The following PAN2 variants were observed in gnomAD, a reference collection of about 807,000 sequenced individuals.
PAN2 encodes the protein poly(A) specific ribonuclease subunit PAN2.
A neutral mutation model predicts 133.3 loss-of-function variants in PAN2; 68 were observed. The observed-to-expected ratio is 0.51, with a 90% CI of 0.42 to 0.62. PAN2 has a LOEUF of 0.62. Among genes scored for constraint, PAN2 ranks in the 20% least tolerant of loss-of-function variants. PAN2 has a pLI of 0.00. For missense variants in PAN2, 1,042 were observed against 1,500.5 expected (o/e 0.69, Z 5.05); for synonymous variants, 462 against 544.6 (o/e 0.85, Z 2.11).
chr12:56,323,697 C>T, intron 14 of PAN2, 99 bp from the exon 15 acceptor site: 2 of 1,397,002 alleles, frequency 1.4e-6, no homozygotes, highest in Non-Finnish European at 2.0e-6. Context: ...ATTCCTCACT[C>T]CACCAGAGAT....
chr12:56,323,678 C>T, intron 14 of PAN2, 80 bp from the exon 15 acceptor site: 1 of 1,467,210 alleles, frequency 6.8e-7, no homozygotes, highest in Non-Finnish European at 9.5e-7. Context: ...TCTGCGTCTT[C>T]AAACTGGGAT....
intron 5 of PAN2, 123 bp from the exon 6 acceptor site, chr12:56,327,754 C>T: frequency 7.7e-7 from 1 of 1,304,094 alleles, no homozygotes; most frequent in Non-Finnish European, 1.0e-6. Flanking sequence ...AGTTAAAGCA[C>T]AGAAAAGGCA....
rs1875314638 is a variant in PAN2, at chr12:56,328,022, G to T, written c.624C>A (p.Phe208Leu). 6.2e-7 allele frequency: 1 copy of T among 1,613,800 alleles called. No homozygotes were observed. Among genetic ancestry groups the T allele is most frequent in the African/African-American group, 1.3e-5 (1 of 74,896 alleles). The change falls in exon 5 of 26, where the codon TTC (phenylalanine) becomes TTA (leucine). Residue 208 changes from phenylalanine to leucine, a missense_variant. This residue lies in a region of PAN2 where 908 missense variants were observed against 1,223.5 expected (regional missense o/e 0.74). Coordinates refer to ENST00000440411, the MANE Select transcript of PAN2 (RefSeq NM_014871.6). ...GVTIMRQTNR[F>L]FFCGHTSGKV... Reference sequence around the variant, plus strand: ...TGCCAGACGTGTGGCCGCAGAAGAAGAAGCGATTTGTCTGTCTCATGATGG... The same window carrying T: ...TGCCAGACGTGTGGCCGCAGAAGAATAAGCGATTTGTCTGTCTCATGATGG...
chr12:56,330,041 T>C (rs1387623454), intron 2 of PAN2, among the ~76,000 whole-genome samples: 1 of 151,946 alleles, frequency 6.6e-6, no homozygotes, highest in Non-Finnish European at 1.5e-5. Flanking sequence ...AGAATGTTCC[T>C]TCCCCAGATA....
Position 56,328,503 on chromosome 12 carries a change from C to T in PAN2, c.421G>A (p.Ala141Thr), listed in dbSNP as rs1414817785. Residue 141 changes from alanine to threonine, a missense_variant, in exon 3 of 26, where the codon GCC becomes ACC. Ala to Thr is a moderately conservative substitution (Grantham distance 58, BLOSUM62 0). Coordinates refer to ENST00000440411, the MANE Select transcript of PAN2 (RefSeq NM_014871.6). The stretch of plus-strand genomic sequence containing the variant: ...TCAAATATAATGAGGCCCCCACGGG[C>T]CATATACTTGAGGTTGTTCTTGGTG... ...FLTKNNLKYM[A>T]RGGLIIFDYL... 4 of 1,614,110 alleles carry T rather than the reference C, an allele frequency of 2.5e-6. No individual in the cohort carries two copies. The highest frequency in any genetic ancestry group is 3.4e-6 in the Non-Finnish European group (4 of 1,180,034).
chr12:56,321,063 C>CAA (rs757641992), intron 20 of PAN2, among the ~76,000 whole-genome samples: 3 of 59,348 alleles, frequency 5.1e-5, no homozygotes, highest in Non-Finnish European at 7.0e-5. Flanking sequence ...AAACTCTGTC[C>CAA]AAAAAAAAAA....
At chr12:56,320,582 C>T (rs1383577243) in intron 20 of PAN2, among the ~76,000 whole-genome samples, 11 of 151,478 alleles carry the variant, frequency 7.3e-5, no homozygotes, top group African/African-American at 7.3e-5. Context: ...AGGCAGAGGT[C>T]GCAGTGAGCT....
Position 56,325,075 on chromosome 12 carries a change from G to T in PAN2, c.1533C>A (p.Tyr511Ter). The T allele has an allele frequency of 1.2e-6, 2 of 1,613,738 alleles. No homozygotes were observed. Among genetic ancestry groups the T allele is most frequent in the Non-Finnish European group, 1.7e-6 (2 of 1,179,626 alleles). The change falls in exon 10 of 26, where the codon TAC (tyrosine) becomes TAA (stop). Residue 511 changes from tyrosine to a stop codon, truncating the protein, a stop_gained. Transcript: ENST00000440411. LOFTEE classifies it high-confidence loss of function. ...CTAATCCAGCAAACAAGGTCTTATT[G>T]TAGTGTTTGAAGTCAAAGTCCTCCA... ...LGLEDFDFKH[Y>*]NKTLFAGLEP...
Position 56,319,192 on chromosome 12 carries a change from TAA to T in PAN2, c.3271-13_3271-12del, listed in dbSNP as rs779503477. 12 of 1,614,012 alleles carry T rather than the reference TAA, an allele frequency of 7.4e-6. No individual in the cohort carries two copies. Among genetic ancestry groups the T allele is most frequent in the Admixed American group, 1.7e-5 (1 of 60,002 alleles). ...TTGGTCCTTGGGCACCTGGCAAGGA[TAA>T]AAGAGGGGGAGACTTAAGGTAGGGG... On this transcript the variant is annotated splice_polypyrimidine_tract_variant and intron_variant, in intron 23 of 25. Coordinates refer to ENST00000440411, the MANE Select transcript of PAN2 (RefSeq NM_014871.6). The surrounding 1 kb of genome is among the most constrained non-coding windows in gnomAD (Gnocchi z 5.4).
intron 20 of PAN2, among the ~76,000 whole-genome samples, chr12:56,320,317 G>A (rs887721894): frequency 2.4e-4 from 36 of 152,160 alleles, no homozygotes; most frequent in African/African-American, 8.7e-4. Flanking sequence ...AGAAACTATG[G>A]TTTAAAGGTA....
chr12:56,329,452 C>T (rs1432802280), intron 2 of PAN2, among the ~76,000 whole-genome samples: 1 of 152,022 alleles, frequency 6.6e-6, no homozygotes, highest in East Asian at 1.9e-4. Flanking sequence ...TCTCCTGCCT[C>T]CCAAGTAGCC....
chr12:56,326,913 A>G lies in PAN2; in HGVS notation c.966T>C (p.Asp322=), dbSNP rs1181124793. The change falls in exon 7 of 26, where the codon GAT becomes GAC. Residue 322 remains aspartate, a synonymous_variant. Coordinates refer to ENST00000440411, the MANE Select transcript of PAN2 (RefSeq NM_014871.6). ...CEPTGLANPA[D]IFHVNPVGPL... ...GCCCCACAGGATTCACATGAAAGAT[A>G]TCGGCTGGGTTGGCCAGGCCTGTGG... The G allele has an allele frequency of 6.2e-7, 1 of 1,614,152 alleles. No individual in the cohort carries two copies. The highest frequency in any genetic ancestry group is 1.1e-5 in the South Asian group (1 of 91,090).
rs749363067 is a variant in PAN2, at chr12:56,319,066, C to A, written c.3364+22G>T. On this transcript the variant is annotated intron_variant, in intron 24 of 25. Coordinates refer to ENST00000440411, the MANE Select transcript of PAN2 (RefSeq NM_014871.6). The surrounding 1 kb of genome is among the most constrained non-coding windows in gnomAD (Gnocchi z 5.4). ...GCTTCTGCTATTAATGTAGCAGGGG[C>A]CTACAAGGCAGAGCAACTCACCCAG... The A allele has an allele frequency of 6.2e-7, 1 of 1,610,172 alleles. No individual in the cohort carries two copies. The highest frequency in any genetic ancestry group is 1.1e-5 in the South Asian group (1 of 90,996).
rs1456741291 is a variant in PAN2 at position 56,319,796 on chromosome 12, G to A, written c.2947-32C>T. ...GAGAAGAGTTAATAAGGAAATCAGA[G>A]AAATGCTTACAACTCCTAATATCCT... On this transcript the variant is annotated intron_variant, in intron 21 of 25. Transcript: ENST00000440411. This position sits in a 1 kb window ranked among gnomAD's most constrained non-coding sequence, Gnocchi z 5.4. 2.5e-6 allele frequency: 4 copies of A among 1,612,432 alleles called. No homozygotes were observed. In the African/African-American group the frequency reaches 5.3e-5, roughly 22 times the overall value.
At chr12:56,329,983 T>A (rs1875570431) in intron 2 of PAN2, among the ~76,000 whole-genome samples, 1 of 149,050 alleles carries the variant, frequency 6.7e-6, no homozygotes, top group African/African-American at 2.5e-5. Context: ...GGCCTGAAGG[T>A]TCAAGTCCAA....
In PAN2 at chr12:56,326,965, A is replaced by G. The variant is rs1875185066; in HGVS notation, c.920-6T>C. On this transcript the variant is annotated splice_region_variant and splice_polypyrimidine_tract_variant and intron_variant, in intron 6 of 25. Transcript: ENST00000440411. ...TTCACAGAATTGGCACTGCCCTACA[A>G]AGGAGGAAGAAACCCACTGAGCCCT... The G allele has an allele frequency of 6.2e-7, 1 of 1,608,414 alleles. No individual in the cohort carries two copies. The highest frequency in any genetic ancestry group is 1.3e-5 in the African/African-American group (1 of 74,744).
At chr12:56,324,819 G>A (rs1002012182) in intron 10 of PAN2, 110 bp from the exon 11 acceptor site, 19 of 1,429,866 alleles carry the variant, frequency 1.3e-5, no homozygotes, top group African/African-American at 7.1e-5. Context: ...GGAGTCCACC[G>A]AAGCAGTGAG....
In PAN2 at chr12:56,319,248, C is replaced by T; in HGVS notation, c.3270+60G>A. The T allele has an allele frequency of 2.5e-6, 4 of 1,613,526 alleles. No individual in the cohort carries two copies. Among genetic ancestry groups the T allele is most frequent in the African/African-American group, 1.3e-5 (1 of 74,978 alleles). ...TATAATTCCCCATTCTCTAAAGGCA[C>T]AATGTATACCCTGAGGGGCCCACTC... On this transcript the variant is annotated intron_variant, in intron 23 of 25. Transcript: ENST00000440411. The surrounding 1 kb of genome is among the most constrained non-coding windows in gnomAD (Gnocchi z 5.4).
Position 56,319,825 on chromosome 12 carries a change from C to T in PAN2, c.2946+39G>A, listed in dbSNP as rs542154141. 1.7e-5 allele frequency: 28 copies of T among 1,613,524 alleles called. No individual in the cohort carries two copies. The South Asian group carries it at 2.0e-4, about 11-fold the overall frequency. On this transcript the variant is annotated intron_variant, in intron 21 of 25. Transcript: ENST00000440411. The surrounding 1 kb of genome is among the most constrained non-coding windows in gnomAD (Gnocchi z 5.4). ...TGCTTACAACTCCTAATATCCTCAGCGTTCTCTTCCAATGCCCCATCCCTT... is the reference window on the plus strand; with the variant it reads ...TGCTTACAACTCCTAATATCCTCAGTGTTCTCTTCCAATGCCCCATCCCTT...
Sources: allele counts gnomAD v4.1 joint callset (sites outside exome capture counted in the v4.1 genomes callset), GRCh38; gene constraint gnomAD v4.1.1; regional missense constraint gnomAD v4.1.1; non-coding constraint Gnocchi (gnomAD v3.1); transcripts MANE v1.5; gene names NCBI Gene and HGNC (gene_info 2026-07-23, HGNC 2026-07-21).